The following MAP4K3 variants were observed in gnomAD, a reference collection of about 807,000 sequenced individuals.
MAP4K3 encodes the protein MAPK/ERK kinase kinase kinase 3.
Under a neutral mutation model 143.5 loss-of-function variants are expected in MAP4K3, and 94 were observed. The observed-to-expected ratio is 0.65, with a 90% CI of 0.55 to 0.78. The LOEUF is 0.78. MAP4K3 is among the 30% of genes least tolerant of loss of function. MAP4K3 has a pLI of 0.00. For missense variants in MAP4K3, 1,077 were observed against 1,068.1 expected (o/e 1.01, Z -0.12); for synonymous variants, 416 against 347.2 (o/e 1.20, Z -2.20).
chr2:39,320,823 A>T (rs1683276862), intron 12 of MAP4K3, among the ~76,000 whole-genome samples: 1 of 152,150 alleles, frequency 6.6e-6, no homozygotes, highest in South Asian at 2.1e-4. Context: ...CTTTGAAGCT[A>T]TTGTATTACC....
intron 1 of MAP4K3, among the ~76,000 whole-genome samples, chr2:39,428,732 G>A (rs1396914490): frequency 4.0e-5 from 6 of 151,816 alleles, no homozygotes. Flanking sequence ...TTTTTAAATA[G>A]TCATTTTGCC....
chr2:39,299,296 G>C (rs1682414556), intron 16 of MAP4K3, among the ~76,000 whole-genome samples: 1 of 152,072 alleles, frequency 6.6e-6, no homozygotes, highest in Non-Finnish European at 1.5e-5. Flanking sequence ...TAAGAATTCA[G>C]ACACACATTT....
At chr2:39,290,571 C>T (rs1023837772) in intron 18 of MAP4K3, among the ~76,000 whole-genome samples, 1 of 151,810 alleles carries the variant, frequency 6.6e-6, no homozygotes, top group Non-Finnish European at 1.5e-5. Flanking sequence ...AGTTAAACAC[C>T]GCATGATCTT....
chr2:39,379,353 T>C (rs1383602235), intron 1 of MAP4K3, among the ~76,000 whole-genome samples: 2 of 152,192 alleles, frequency 1.3e-5, no homozygotes, highest in East Asian at 1.9e-4. Context: ...ATTTAAAAAT[T>C]GTTCCTTCAA....
chr2:39,326,269 G>A lies in MAP4K3; in HGVS notation c.539C>T (p.Pro180Leu). ...CTTCCTCTCAACAGCTGCAACTTCT[G>A]GAGCCATCCTGAAATAAATATTCCA... ...SFIGTPYWMA[P>L]EVAAVERKGG... Residue 180 changes from proline (P) to leucine (L), a missense_variant, in exon 9 of 34, where the codon CCA becomes CTA. Physicochemically the swap from Pro to Leu is moderately conservative, Grantham distance 98. Transcript: ENST00000263881. 1 of 1,613,470 alleles carries A rather than the reference G, an allele frequency of 6.2e-7. No individual in the cohort carries two copies. Among genetic ancestry groups the A allele is most frequent in the Non-Finnish European group, 8.5e-7 (1 of 1,179,792 alleles).
intron 13 of MAP4K3, 100 bp from the exon 14 acceptor site, chr2:39,309,619 G>A (rs566927522): frequency 1.4e-4 from 90 of 637,286 alleles, no homozygotes; most frequent in African/African-American, 4.9e-4. Flanking sequence ...GTGCAGTGGC[G>A]CAATCTCAGC....
intron 29 of MAP4K3, 21 bp from the exon 30 acceptor site, chr2:39,258,608 G>C (rs763338561): frequency 1.3e-6 from 2 of 1,565,374 alleles, no homozygotes; most frequent in South Asian, 1.1e-5. Flanking sequence ...AACAAATTTT[G>C]GTAAACCTAC....
intron 22 of MAP4K3, among the ~76,000 whole-genome samples, chr2:39,281,489 T>C (rs1305653853): frequency 1.3e-5 from 2 of 152,152 alleles, no homozygotes; most frequent in Non-Finnish European, 1.5e-5. Flanking sequence ...CTAACCCTAA[T>C]AACGACCTTT....
At chr2:39,334,148 G>C (rs1683783915) in intron 6 of MAP4K3, among the ~76,000 whole-genome samples, 1 of 152,062 alleles carries the variant, frequency 6.6e-6, no homozygotes, top group Non-Finnish European at 1.5e-5. Context: ...TAAACAACTA[G>C]CCACAGGCCC....
intron 2 of MAP4K3, among the ~76,000 whole-genome samples, chr2:39,370,142 G>C (rs1349784942): frequency 6.6e-6 from 1 of 152,118 alleles, no homozygotes; most frequent in Non-Finnish European, 1.5e-5. Flanking sequence ...AAAACAAAAA[G>C]TCCTTTGTCA....
intron 1 of MAP4K3, among the ~76,000 whole-genome samples, chr2:39,410,399 C>G (rs1210260599): frequency 6.6e-6 from 1 of 152,142 alleles, no homozygotes; most frequent in Admixed American, 6.5e-5. Context: ...AAAATCATAA[C>G]AAAGCAACTG....
At chr2:39,393,948 C>T (rs977189518) in intron 1 of MAP4K3, among the ~76,000 whole-genome samples, 1 of 152,164 alleles carries the variant, frequency 6.6e-6, no homozygotes, top group African/African-American at 2.4e-5. Flanking sequence ...GTATATCTTT[C>T]ATTAAAATCA....
At chr2:39,392,370 C>CA (rs1666689807) in intron 1 of MAP4K3, among the ~76,000 whole-genome samples, 1 of 151,974 alleles carries the variant, frequency 6.6e-6, no homozygotes, top group Admixed American at 6.6e-5. Context: ...GCGTGTGATA[C>CA]AAAATTTAAC....
chr2:39,371,048 T>C (rs1053115016), intron 2 of MAP4K3, among the ~76,000 whole-genome samples: 2 of 152,142 alleles, frequency 1.3e-5, no homozygotes, highest in African/African-American at 2.4e-5. Flanking sequence ...GTCTCAAGAA[T>C]TGGCAGTGTT....
At chr2:39,299,245 A>C (rs1212554301) in intron 16 of MAP4K3, among the ~76,000 whole-genome samples, 1 of 152,144 alleles carries the variant, frequency 6.6e-6, no homozygotes, top group African/African-American at 2.4e-5. Flanking sequence ...AGAGGCATTA[A>C]ATAACTGTTG....
At chr2:39,387,550 C>T (rs1248331263) in intron 1 of MAP4K3, among the ~76,000 whole-genome samples, 2 of 152,198 alleles carry the variant, frequency 1.3e-5, no homozygotes, top group African/African-American at 2.4e-5. Flanking sequence ...AGAAATAGCA[C>T]CACCATGCAA....
intron 1 of MAP4K3, 72 bp from the exon 2 acceptor site, chr2:39,378,195 C>G (rs1009302410): frequency 6.5e-6 from 5 of 771,304 alleles, no homozygotes; most frequent in Admixed American, 5.4e-5. Flanking sequence ...TTCACTTTAG[C>G]TTACTGTTTT....
chr2:39,387,439 A>T lies in MAP4K3; in HGVS notation c.97-9316T>A, dbSNP rs185015214. ...GTGCTTTGCAGTTATCAGCATACAG[A>T]TCCTATACGTAATTTCAATTTTGAT... is the stretch of plus-strand genomic sequence containing the variant. On this transcript the variant is annotated intron_variant, in intron 1 of 33. Coordinates refer to ENST00000263881, the MANE Select transcript of MAP4K3 (RefSeq NM_003618.4). Among the ~76,000 whole-genome samples, 49 of 152,326 alleles carry T rather than the reference A, an allele frequency of 3.2e-4. 1 individual carries two copies. In the East Asian group the frequency reaches 3.9e-3, roughly 12 times the overall value.
intron 1 of MAP4K3, among the ~76,000 whole-genome samples, chr2:39,414,586 C>T (rs1013673499): frequency 6.6e-6 from 1 of 152,072 alleles, no homozygotes; most frequent in Admixed American, 6.6e-5. Flanking sequence ...AGAGTATGTA[C>T]CAACCTAGGC....
Sources: allele counts gnomAD v4.1 joint callset (sites outside exome capture counted in the v4.1 genomes callset), GRCh38; gene constraint gnomAD v4.1.1; transcripts MANE v1.5; gene names NCBI Gene and HGNC (gene_info 2026-07-23, HGNC 2026-07-21).